SLC17A7: variants seen among roughly 807,000 people sequenced by gnomAD.
The protein encoded by SLC17A7 is solute carrier family 17 member 7.
A neutral mutation model predicts 59.1 loss-of-function variants in SLC17A7; 15 were observed. The observed-to-expected ratio is 0.25, with a 90% CI of 0.17 to 0.39. SLC17A7 has a LOEUF of 0.39. Ranked by LOEUF, SLC17A7 falls within the 10% of genes least tolerant of loss-of-function variation. SLC17A7 has a pLI of 1.00. For synonymous variants in SLC17A7, 353 were observed against 308.9 expected (o/e 1.14, Z -1.50); for missense variants, 499 against 765.1 (o/e 0.65, Z 4.10).
chr19:49,432,309 CGGTGGCCCCTTGGACGGCCGCGT>C (rs2078963643), intron 9 of SLC17A7, among the ~76,000 whole-genome samples, 187 bp downstream of exon 9: 1 of 152,250 alleles, frequency 6.6e-6, no homozygotes, highest in Non-Finnish European at 1.5e-5. Flanking sequence ...CCCTTCCGCG[CGGTGGCCCCTTGGACGGCCGCGT>C]GACAGTCCCT....
rs1029087724 is a variant in SLC17A7 at position 49,433,148 on chromosome 19, A to C, written c.868-188T>G. ...ACCCAGGGATCCTAGCCTCAAGGTGACACTTGAGTGATGAAGGGGTCCTGG... is the reference window on the plus strand; with the variant it reads ...ACCCAGGGATCCTAGCCTCAAGGTGCCACTTGAGTGATGAAGGGGTCCTGG... On this transcript the variant is annotated intron_variant, in intron 7 of 11. Transcript: ENST00000221485. This position sits in a 1 kb window ranked among gnomAD's most constrained non-coding sequence, Gnocchi z 5.7. 12 of 636,150 alleles carry C rather than the reference A, an allele frequency of 1.9e-5. No homozygotes were observed. Among genetic ancestry groups the C allele is most frequent in the Non-Finnish European group, 2.4e-5 (9 of 368,002 alleles). The allele number at this position is 636,150 out of a possible 1,614,324, so 39.4% of individuals were successfully genotyped here. A position where few individuals can be genotyped will look rare whatever the true frequency, so the allele number is the denominator to read the frequency against.
In SLC17A7 at chr19:49,436,827, T is replaced by G; in HGVS notation, c.63-26A>C. ...CTGCGGGACAGCAAGAGCCAGAGAC[T>G]CGGAAGTCCAGGCCCCCAGCCCCCT... On this transcript the variant is annotated intron_variant, in intron 1 of 11. Coordinates refer to ENST00000221485, the MANE Select transcript of SLC17A7 (RefSeq NM_020309.4). The surrounding 1 kb of genome is among the most constrained non-coding windows in gnomAD (Gnocchi z 4.1). The G allele has an allele frequency of 6.3e-7, 1 of 1,594,716 alleles. No individual in the cohort carries two copies. The highest frequency in any genetic ancestry group is 8.5e-7 in the Non-Finnish European group (1 of 1,176,490).
At chr19:49,438,531 C>T (rs1278878205) in intron 1 of SLC17A7, among the ~76,000 whole-genome samples, 1 of 151,978 alleles carries the variant, frequency 6.6e-6, no homozygotes, top group Non-Finnish European at 1.5e-5. Flanking sequence ...TGTGAGAACA[C>T]AGCAACCCCT....
chr19:49,439,902 C>T lies in SLC17A7; in HGVS notation c.62+1416G>A, dbSNP rs142658786. Among the ~76,000 whole-genome samples the T allele has an allele frequency of 4.2e-3, 624 of 147,484 alleles. 7 individuals are homozygous for T. The highest frequency in any genetic ancestry group is 0.032 in the East Asian group (165 of 5,162). ...GAGGAATACATCCCTCCCGCTGCCA[C>T]CCCCCAGCCCCCTCCACCAGCACGT... is the stretch of plus-strand genomic sequence containing the variant. On this transcript the variant is annotated intron_variant, in intron 1 of 11. Coordinates refer to ENST00000221485, the MANE Select transcript of SLC17A7 (RefSeq NM_020309.4).
Position 49,430,672 on chromosome 19 carries a change from G to A in SLC17A7, c.1530C>T (p.Phe510=), listed in dbSNP as rs1162809677. Residue 510 remains phenylalanine, a synonymous_variant, in exon 12 of 12, where the codon TTC becomes TTT. Coordinates refer to ENST00000221485, the MANE Select transcript of SLC17A7 (RefSeq NM_020309.4). ...TGCCAGCCAGCTGGTCATGGCCAACGAAGCCACACTTCTCCTCGCTCATCT... is the reference window on the plus strand; with the variant it reads ...TGCCAGCCAGCTGGTCATGGCCAACAAAGCCACACTTCTCCTCGCTCATCT... The part of the protein sequence containing the change: ...PEEMSEEKCG[F]VGHDQLAGSD... 2 of 1,614,124 alleles carry A rather than the reference G, an allele frequency of 1.2e-6. No individual in the cohort carries two copies. The highest frequency in any genetic ancestry group is 1.7e-6 in the Non-Finnish European group (2 of 1,180,006).
rs1196965183 is a variant in SLC17A7, at chr19:49,441,175, G to A, written c.62+143C>T. The A allele has an allele frequency of 1.9e-5, 28 of 1,483,406 alleles. 1 individual carries two copies. The South Asian group carries it at 2.2e-4, about 11-fold the overall frequency. 91.9% of individuals were successfully genotyped at this position (1,483,406 alleles called of 1,614,324 possible). A position where few individuals can be genotyped will look rare whatever the true frequency, so the allele number is the denominator to read the frequency against. ...CTCGACCAGGGAGAACAGCGCCGTC[G>A]GAGCCCACGGCAGAAAACTGGACAG... On this transcript the variant is annotated intron_variant, in intron 1 of 11. Coordinates refer to ENST00000221485, the MANE Select transcript of SLC17A7 (RefSeq NM_020309.4).
At chr19:49,435,016 C>T in intron 3 of SLC17A7, 134 bp from the exon 4 acceptor site, 2 of 1,011,692 alleles carry the variant, frequency 2.0e-6, no homozygotes, top group Admixed American at 3.8e-5. Context: ...CTTACACCTT[C>T]CTCAATCGCA....
rs769348352 is a variant in SLC17A7 at position 49,436,561 on chromosome 19, G to A, written c.303C>T (p.His101=). 1.2e-6 allele frequency: 2 copies of A among 1,613,460 alleles called. No individual in the cohort carries two copies. Among genetic ancestry groups the A allele is most frequent in the African/African-American group, 2.7e-5 (2 of 75,052 alleles). ...GGCCTTGAGCTACCTGCACCACCAC[G>A]TGGCCCCCGCGGTGGGTCGTGCTGT... is the stretch of plus-strand genomic sequence containing the variant. ...VNNSTTHRGG[H]VVVQKAQFSW... Residue 101 remains histidine, a synonymous_variant, in exon 2 of 12, where the codon CAC becomes CAT. Coordinates refer to ENST00000221485, the MANE Select transcript of SLC17A7 (RefSeq NM_020309.4). This position sits in a 1 kb window ranked among gnomAD's most constrained non-coding sequence, Gnocchi z 4.1.
At position 49,433,458 on chromosome 19, in the gene SLC17A7, C is replaced by T. The variant is rs762453913; in HGVS notation, c.867+268G>A. The stretch of plus-strand genomic sequence containing the variant: ...CCTCAACTCAAGGTCTAAGCAAAAC[C>T]CCCACATTCTAATCCCTTCTCTGCT... On this transcript the variant is annotated intron_variant, in intron 7 of 11. Transcript: ENST00000221485. The surrounding 1 kb of genome is among the most constrained non-coding windows in gnomAD (Gnocchi z 5.7). 12 of 581,908 alleles carry T rather than the reference C, an allele frequency of 2.1e-5. No individual in the cohort carries two copies. Among genetic ancestry groups the T allele is most frequent in the Non-Finnish European group, 3.1e-5 (10 of 319,626 alleles). The allele number at this position is 581,908 out of a possible 1,614,324, so 36.0% of individuals were successfully genotyped here.
In SLC17A7 at chr19:49,433,918, C is replaced by A. The variant is rs1463416088; in HGVS notation, c.724+42G>T. The A allele has an allele frequency of 1.9e-6, 3 of 1,613,142 alleles. No homozygotes were observed. Among genetic ancestry groups the A allele is most frequent in the Non-Finnish European group, 1.7e-6 (2 of 1,179,700 alleles). On this transcript the variant is annotated intron_variant, in intron 6 of 11. Transcript: ENST00000221485. This position sits in a 1 kb window ranked among gnomAD's most constrained non-coding sequence, Gnocchi z 5.7. ...GAGCGAGGTGAGGACCGGCCCCGCT[C>A]CGCCCCAGCGCCACCCGGAACCAGG... is the stretch of plus-strand genomic sequence containing the variant.
Position 49,429,490 on chromosome 19 carries a change from G to GA in SLC17A7, c.*1028dup. ...ACACAAAGACACAACCCTGCACTGG[G>GA]AAAAAACACCCCTGGCTCCTGCCCC... On this transcript the variant is annotated 3_prime_UTR_variant, in exon 12 of 12. Transcript: ENST00000221485. 1 of 399,042 alleles carries GA rather than the reference G, an allele frequency of 2.5e-6. No homozygotes were observed. The highest frequency in any genetic ancestry group is 6.3e-4 in the Middle Eastern group (1 of 1,588). The allele number at this position is 399,042 out of a possible 1,614,324, so 24.7% of individuals were successfully genotyped here.
At position 49,432,797 on chromosome 19, in the gene SLC17A7, C is replaced by A; in HGVS notation, c.1017+14G>T. ...CCCCTCCGCGCCCCCCTGCCCTCTC[C>A]TCCTGGGCTCTACCTTGCTGATCTC... is the stretch of plus-strand genomic sequence containing the variant. On this transcript the variant is annotated intron_variant, in intron 8 of 11. Transcript: ENST00000221485. 6.3e-7 allele frequency: 1 copy of A among 1,587,762 alleles called. No homozygotes were observed. Among genetic ancestry groups the A allele is most frequent in the Non-Finnish European group, 8.6e-7 (1 of 1,166,848 alleles).
chr19:49,432,907 G>T lies in SLC17A7; in HGVS notation c.921C>A (p.Ile307=). 6.2e-7 allele frequency: 1 copy of T among 1,605,074 alleles called. No individual in the cohort carries two copies. The highest frequency in any genetic ancestry group is 8.5e-7 in the Non-Finnish European group (1 of 1,176,004). Residue 307 remains isoleucine (I), a synonymous_variant, in exon 8 of 12, where the codon ATC becomes ATA. Coordinates refer to ENST00000221485, the MANE Select transcript of SLC17A7 (RefSeq NM_020309.4). ...RFFTSMPVYA[I]IVANFCRSWT... is the part of the protein sequence containing the mutation. ...AGCTGCGGCAGAAGTTGGCCACGATGATGGCATAGACTGGCATAGACGTGA... is the reference window on the plus strand; with the variant it reads ...AGCTGCGGCAGAAGTTGGCCACGATTATGGCATAGACTGGCATAGACGTGA...
intron 1 of SLC17A7, among the ~76,000 whole-genome samples, chr19:49,439,927 T>A (rs1276672901): frequency 6.6e-6 from 1 of 151,852 alleles, no homozygotes; most frequent in Non-Finnish European, 1.5e-5. Flanking sequence ...CACCAGCACG[T>A]CTCTTTCTCT....
Position 49,434,632 on chromosome 19 carries a change from G to A in SLC17A7, c.607C>T (p.Arg203Trp), listed in dbSNP as rs1376566748. The A allele has an allele frequency of 6.2e-7, 1 of 1,610,680 alleles. No individual in the cohort carries two copies. The highest frequency in any genetic ancestry group is 8.5e-7 in the Non-Finnish European group (1 of 1,179,276). ...IWSKWAPPLE[R>W]SRLATTAFCG... ...AAGGCTGTCGTCGCCAGGCGACTCCGTTCTAAGGGTGGGGCCCATTTGCTC... is the reference window on the plus strand; with the variant it reads ...AAGGCTGTCGTCGCCAGGCGACTCCATTCTAAGGGTGGGGCCCATTTGCTC... Residue 203 changes from arginine (R) to tryptophan (W), a missense_variant, in exon 5 of 12, where the codon CGG becomes TGG. Arg to Trp is a moderately radical substitution (Grantham distance 101). Around this residue, in one of 3 missense-constraint regions of SLC17A7, gnomAD observed 323 missense variants for 607.2 expected, o/e 0.53. Coordinates refer to ENST00000221485, the MANE Select transcript of SLC17A7 (RefSeq NM_020309.4).
intron 1 of SLC17A7, among the ~76,000 whole-genome samples, chr19:49,439,350 T>C (rs1037705214): frequency 2.0e-5 from 3 of 152,126 alleles, no homozygotes; most frequent in African/African-American, 7.2e-5. Context: ...ACCTGATCCC[T>C]TACTGGCCCT....
intron 2 of SLC17A7, chr19:49,435,529 C>T: frequency 2.4e-6 from 1 of 411,702 alleles, no homozygotes; most frequent in Non-Finnish European, 4.4e-6. Context: ...AGACGCCTTG[C>T]TTTGCCTGCT....
At position 49,434,629 on chromosome 19, in the gene SLC17A7, T is replaced by C; in HGVS notation, c.610A>G (p.Ser204Gly). ...CAAAAGGCTGTCGTCGCCAGGCGAC[T>C]CCGTTCTAAGGGTGGGGCCCATTTG... Reference protein sequence around the residue: ...WSKWAPPLERSRLATTAFCGS... With the variant: ...WSKWAPPLERGRLATTAFCGS... The change falls in exon 5 of 12, where the codon AGT becomes GGT. Residue 204 changes from serine (S) to glycine (G), a missense_variant. Physicochemically the swap from Ser to Gly is moderately conservative, Grantham distance 56. Around this residue, in one of 3 missense-constraint regions of SLC17A7, gnomAD observed 323 missense variants for 607.2 expected, o/e 0.53. Coordinates refer to ENST00000221485, the MANE Select transcript of SLC17A7 (RefSeq NM_020309.4). The C allele has an allele frequency of 6.2e-7, 1 of 1,604,820 alleles. No individual in the cohort carries two copies. Among genetic ancestry groups the C allele is most frequent in the Non-Finnish European group, 8.5e-7 (1 of 1,177,694 alleles).
At chr19:49,432,783 C>T (rs1436464959) in intron 8 of SLC17A7, 28 bp downstream of exon 8, 2 of 1,587,454 alleles carry the variant, frequency 1.3e-6, no homozygotes. Flanking sequence ...CCCTCCGCGC[C>T]CCCCTGCCCT....
Sources: allele counts gnomAD v4.1 joint callset (sites outside exome capture counted in the v4.1 genomes callset), GRCh38; gene constraint gnomAD v4.1.1; regional missense constraint gnomAD v4.1.1; non-coding constraint Gnocchi (gnomAD v3.1); transcripts MANE v1.5; gene names NCBI Gene and HGNC (gene_info 2026-07-23, HGNC 2026-07-21).